Variants in CNTLN observed in about 807,000 individuals in gnomAD.
CNTLN encodes the protein centlein, centrosomal protein.
CNTLN carries 212 observed loss-of-function variants against 180.0 expected under a neutral mutation model. That is an observed-to-expected ratio of 1.18 (90% confidence interval 1.05 to 1.32). The LOEUF is 1.32. Ranked by LOEUF, CNTLN falls within the 40% of genes most tolerant of loss-of-function variation. CNTLN has a pLI of 0.00. For synonymous variants in CNTLN, 722 were observed against 563.1 expected (o/e 1.28, Z -3.99); for missense variants, 2,095 against 1,610.9 (o/e 1.30, Z -5.14).
intron 12 of CNTLN, among the ~76,000 whole-genome samples, chr9:17,358,316 A>G (rs1823012875): frequency 6.6e-6 from 1 of 152,108 alleles, no homozygotes; most frequent in Non-Finnish European, 1.5e-5. Context: ...AAACTTATCA[A>G]AATAGAAATG....
rs141418403 is a variant in CNTLN at position 17,251,686 on chromosome 9, G to A, written c.849+15098G>A. 3.1e-4 allele frequency among the ~76,000 whole-genome samples: 47 copies of A among 151,876 alleles called. No individual in the cohort carries two copies. The East Asian group carries it at 6.0e-3, about 19-fold the overall frequency. On this transcript the variant is annotated intron_variant, in intron 5 of 25. Coordinates refer to ENST00000380647, the MANE Select transcript of CNTLN (RefSeq NM_017738.4). ...CATGCATATAATTTGTAATGATGAA[G>A]TCAGGGTATTTGGGGTCTCCGTCAC...
chr9:17,422,093 C>A (rs888840548), intron 18 of CNTLN, among the ~76,000 whole-genome samples: 2 of 152,118 alleles, frequency 1.3e-5, no homozygotes, highest in Middle Eastern at 3.2e-3. Flanking sequence ...TGGCAAAATT[C>A]TCAGCTTTTG....
chr9:17,486,843 C>G (rs555054388), intron 24 of CNTLN, 146 bp from the exon 25 acceptor site: 1 of 566,838 alleles, frequency 1.8e-6, no homozygotes, highest in South Asian at 2.4e-5. Flanking sequence ...AGAGCATGGA[C>G]TTAAATATTT....
chr9:17,465,546 A>G (rs928510033), intron 21 of CNTLN, among the ~76,000 whole-genome samples: 8 of 149,540 alleles, frequency 5.3e-5, no homozygotes, highest in African/African-American at 1.9e-4. Flanking sequence ...TAAATAAGCT[A>G]TATATATATA....
chr9:17,137,907 TA>T (rs1212201806), intron 1 of CNTLN, among the ~76,000 whole-genome samples: 1 of 152,156 alleles, frequency 6.6e-6, no homozygotes, highest in Non-Finnish European at 1.5e-5. Context: ...AATTAAACTT[TA>T]AAAAAATATG....
rs139505341 is a variant in CNTLN, at chr9:17,271,613, T to C, written c.850-2120T>C. ...GATTTCTGTTTTCAGCCTATCTTTCTTGTAGTCTGCTTTATCATGATGAAT... is the reference window on the plus strand; with the variant it reads ...GATTTCTGTTTTCAGCCTATCTTTCCTGTAGTCTGCTTTATCATGATGAAT... On this transcript the variant is annotated intron_variant, in intron 5 of 25. Transcript: ENST00000380647. Among the ~76,000 whole-genome samples, 763 of 152,322 alleles carry C rather than the reference T, an allele frequency of 5.0e-3. 4 individuals are homozygous for C. Among genetic ancestry groups the C allele is most frequent in the African/African-American group, 0.017 (709 of 41,570 alleles).
At chr9:17,468,849 G>T (rs527638885) in intron 23 of CNTLN, among the ~76,000 whole-genome samples, 1 of 151,642 alleles carries the variant, frequency 6.6e-6, no homozygotes, top group African/African-American at 2.4e-5. Flanking sequence ...ATTATTCAAG[G>T]GTAATGTTAG....
At chr9:17,142,922 A>G (rs912154509) in intron 1 of CNTLN, among the ~76,000 whole-genome samples, 1 of 152,220 alleles carries the variant, frequency 6.6e-6, no homozygotes, top group Admixed American at 6.5e-5. Flanking sequence ...TTATAGAGTG[A>G]ATGGGAGATA....
At chr9:17,433,375 C>T (rs1203006392) in intron 18 of CNTLN, among the ~76,000 whole-genome samples, 1 of 151,654 alleles carries the variant, frequency 6.6e-6, no homozygotes, top group Admixed American at 6.6e-5. Context: ...GCCTCTGCCT[C>T]CTGGGTTCAA....
At chr9:17,242,691 T>C (rs1825568718) in intron 5 of CNTLN, among the ~76,000 whole-genome samples, 1 of 152,204 alleles carries the variant, frequency 6.6e-6, no homozygotes, top group Admixed American at 6.5e-5. Flanking sequence ...AAACCATCCT[T>C]GCATCCCTAG....
intron 2 of CNTLN, among the ~76,000 whole-genome samples, chr9:17,200,510 G>A (rs548221385): frequency 4.6e-4 from 70 of 151,998 alleles, no homozygotes; most frequent in African/African-American, 1.5e-3. Flanking sequence ...CTCTTATTTC[G>A]TTGAGCAGTG....
rs547811898 is a variant in CNTLN at position 17,163,095 on chromosome 9, A to C, written c.449+19719A>C. 7.9e-4 allele frequency among the ~76,000 whole-genome samples: 121 copies of C among 152,314 alleles called. No homozygotes were observed. The South Asian group carries it at 0.024, about 30-fold the overall frequency. ...GTCACATCTTACATTGTGGTAGACA[A>C]AAGAGCATGTACAGTGGAACTCGCT... On this transcript the variant is annotated intron_variant, in intron 2 of 25. Coordinates refer to ENST00000380647, the MANE Select transcript of CNTLN (RefSeq NM_017738.4).
chr9:17,508,123 GT>G (rs146979245), downstream of CNTLN, among the ~76,000 whole-genome samples: 8,496 of 152,150 alleles, frequency 0.056, 728 homozygotes, highest in African/African-American at 0.19. Context: ...AACCCTCTGT[GT>G]TCTTCCTTAG....
Position 17,502,707 on chromosome 9 carries a change from G to A in CNTLN, c.*55G>A. The A allele has an allele frequency of 1.6e-6, 1 of 627,214 alleles. No individual in the cohort carries two copies. Among genetic ancestry groups the A allele is most frequent in the Non-Finnish European group, 2.7e-6 (1 of 376,252 alleles). The allele number at this position is 627,214 out of a possible 1,614,324, so 38.9% of individuals were successfully genotyped here. A position where few individuals can be genotyped will look rare whatever the true frequency, so the allele number is the denominator to read the frequency against. ...TGAAAACTTTTTATGTGGTGTGATT[G>A]GAATACATGCATTGCAATCCTGACA... On this transcript the variant is annotated 3_prime_UTR_variant, in exon 26 of 26. Transcript: ENST00000380647.
chr9:17,272,454 A>G (rs1301632744), intron 5 of CNTLN, among the ~76,000 whole-genome samples: 2 of 151,930 alleles, frequency 1.3e-5, no homozygotes, highest in African/African-American at 2.4e-5. Context: ...TCTTGATGGG[A>G]ATGTTTTACC....
intron 7 of CNTLN, chr9:17,298,970 A>C: frequency 1.0e-6 from 1 of 981,992 alleles, no homozygotes; most frequent in Non-Finnish European, 1.2e-6. Flanking sequence ...TTGGCCGGGC[A>C]TGGTGGCTCA....
chr9:17,364,299 T>C (rs1438669824), intron 12 of CNTLN, among the ~76,000 whole-genome samples: 1 of 152,144 alleles, frequency 6.6e-6, no homozygotes, highest in Non-Finnish European at 1.5e-5. Context: ...TGTATACCTC[T>C]ACTGTTTTCC....
intron 10 of CNTLN, among the ~76,000 whole-genome samples, chr9:17,333,162 A>G (rs1820757908): frequency 6.6e-6 from 1 of 152,142 alleles, no homozygotes; most frequent in African/African-American, 2.4e-5. Flanking sequence ...TTTAGTCAAA[A>G]TGAAATATAT....
At chr9:17,152,860 T>C (rs979144245) in intron 2 of CNTLN, among the ~76,000 whole-genome samples, 6 of 152,210 alleles carry the variant, frequency 3.9e-5, no homozygotes, top group South Asian at 2.1e-4. Flanking sequence ...TGGGTGCATA[T>C]ATATTTAGGA....
Sources: allele counts gnomAD v4.1 joint callset (sites outside exome capture counted in the v4.1 genomes callset), GRCh38; gene constraint gnomAD v4.1.1; transcripts MANE v1.5; gene names NCBI Gene and HGNC (gene_info 2026-07-23, HGNC 2026-07-21).